The following ITGA9 variants were observed in gnomAD, a reference collection of about 807,000 sequenced individuals.
ITGA9 encodes integrin subunit alpha 9.
In ITGA9, 56 loss-of-function variants were observed where a neutral mutation model predicts 127.8. The observed-to-expected ratio is 0.44, with a 90% CI of 0.35 to 0.55. The LOEUF (loss-of-function observed/expected upper bound fraction) is 0.55. ITGA9 is among the 20% of genes least tolerant of loss of function. The pLI, the probability that ITGA9 is intolerant of heterozygous loss-of-function variation, is 0.00. For synonymous variants in ITGA9, 508 were observed against 514.5 expected (o/e 0.99, Z 0.17); for missense variants, 1,196 against 1,347.1 (o/e 0.89, Z 1.76).
chr3:37,607,189 T>C (rs1045649895), intron 15 of ITGA9, among the ~76,000 whole-genome samples: 1 of 152,028 alleles, frequency 6.6e-6, no homozygotes, highest in Non-Finnish European at 1.5e-5. Flanking sequence ...TCTCAGTGTT[T>C]GTCCATTTCC....
intron 15 of ITGA9, among the ~76,000 whole-genome samples, chr3:37,600,467 T>G (rs571673864): frequency 1.6e-3 from 248 of 152,196 alleles, no homozygotes; most frequent in Middle Eastern, 3.4e-3. Context: ...ACACATACTC[T>G]TTGTTTTTCC....
chr3:37,468,918 A>T (rs542226059), intron 1 of ITGA9, among the ~76,000 whole-genome samples: 22 of 152,280 alleles, frequency 1.4e-4, no homozygotes, highest in African/African-American at 5.1e-4. Flanking sequence ...TTTGAACATC[A>T]GTGTGGATTT....
Position 37,753,659 on chromosome 3 carries a change from CAG to C in ITGA9, c.2541+3095_2541+3096del, listed in dbSNP as rs1421048729. The C allele has an allele frequency of 2.2e-4, 34 of 152,336 alleles. 1 individual carries two copies. Among genetic ancestry groups the C allele is most frequent in the South Asian group, 1.0e-3 (5 of 4,828 alleles). 9.4% of individuals were successfully genotyped at this position (152,336 alleles called of 1,614,324 possible). A position where few individuals can be genotyped will look rare whatever the true frequency, so the allele number is the denominator to read the frequency against. ...GCAGATAGATATTTTGGCAGAATGA[CAG>C]AGAGTACTGAACCACAGTCATTTCC... On this transcript the variant is annotated intron_variant, in intron 23 of 27. Transcript: ENST00000264741.
In ITGA9 at chr3:37,683,577, G is replaced by A. The variant is rs778631057; in HGVS notation, c.1917-288G>A. Among the ~76,000 whole-genome samples, 46 of 152,158 alleles carry A rather than the reference G, an allele frequency of 3.0e-4. 1 individual carries two copies. The highest frequency in any genetic ancestry group is 7.2e-4 in the Admixed American group (11 of 15,282). ...GAATTCATGTACAAATGAATCCCAC[G>A]CTTAGGTTGTTAAGTGCCTTATAGT... On this transcript the variant is annotated intron_variant, in intron 17 of 27. Transcript: ENST00000264741.
intron 1 of ITGA9, among the ~76,000 whole-genome samples, chr3:37,461,864 T>A (rs1294821863): frequency 6.6e-6 from 1 of 152,198 alleles, no homozygotes; most frequent in Non-Finnish European, 1.5e-5. Flanking sequence ...AAGGAGCAGA[T>A]GGGAGGCCAC....
At chr3:37,458,345 G>C (rs962564069) in intron 1 of ITGA9, among the ~76,000 whole-genome samples, 2 of 152,202 alleles carry the variant, frequency 1.3e-5, no homozygotes, top group African/African-American at 4.8e-5. Context: ...GAGTGTGAGA[G>C]AATTGTTGGG....
intron 1 of ITGA9, among the ~76,000 whole-genome samples, chr3:37,466,118 A>G (rs541873461): frequency 1.3e-5 from 2 of 152,050 alleles, no homozygotes; most frequent in South Asian, 2.1e-4. Context: ...GCACCTGCAC[A>G]CTCTATGTGC....
rs149514765 is a variant in ITGA9, at chr3:37,537,104, A to T, written c.1528+3636A>T. ...TCGGGTTAACCACTTCCTTGGGGTT[A>T]TCAGAACCTATGAGCTTGGAGAAGG... On this transcript the variant is annotated intron_variant, in intron 14 of 27. Transcript: ENST00000264741. Among the ~76,000 whole-genome samples the T allele has an allele frequency of 3.9e-4, 59 of 152,366 alleles. No homozygotes were observed. The East Asian group carries it at 9.6e-3, about 25-fold the overall frequency.
At chr3:37,688,805 T>C (rs1700803947) in intron 18 of ITGA9, among the ~76,000 whole-genome samples, 1 of 149,874 alleles carries the variant, frequency 6.7e-6, no homozygotes, top group Non-Finnish European at 1.5e-5. Context: ...ACAGAATAGA[T>C]GGATGGATGG....
At chr3:37,515,351 AG>A (rs1241314317) in intron 9 of ITGA9, among the ~76,000 whole-genome samples, 1 of 152,150 alleles carries the variant, frequency 6.6e-6, no homozygotes, top group Non-Finnish European at 1.5e-5. Flanking sequence ...CAGTTGGGAG[AG>A]GGCAGAGGTT....
chr3:37,478,191 T>G (rs143100413), intron 3 of ITGA9, among the ~76,000 whole-genome samples: 10 of 152,312 alleles, frequency 6.6e-5, no homozygotes, highest in African/African-American at 2.2e-4. Flanking sequence ...CTCTCTGTGA[T>G]CCTGCTCCCC....
At chr3:37,481,636 C>T in intron 4 of ITGA9, 29 bp downstream of exon 4, 1 of 1,614,046 alleles carries the variant, frequency 6.2e-7, no homozygotes, top group Non-Finnish European at 8.5e-7. Flanking sequence ...TTCCTCATCC[C>T]CCTACCCACC....
intron 5 of ITGA9, among the ~76,000 whole-genome samples, chr3:37,496,742 T>C (rs1698734443): frequency 6.6e-6 from 1 of 152,206 alleles, no homozygotes; most frequent in Non-Finnish European, 1.5e-5. Flanking sequence ...TCCAGGCTCA[T>C]CTCCTACCTC....
chr3:37,681,148 C>T (rs1700730974), intron 17 of ITGA9, among the ~76,000 whole-genome samples: 1 of 152,162 alleles, frequency 6.6e-6, no homozygotes, highest in South Asian at 2.1e-4. Flanking sequence ...TCTTCTTTTG[C>T]ATGGTGTATT....
At chr3:37,667,752 T>C (rs1367306847) in intron 17 of ITGA9, among the ~76,000 whole-genome samples, 1 of 152,154 alleles carries the variant, frequency 6.6e-6, no homozygotes, top group Non-Finnish European at 1.5e-5. Context: ...TGGTGCAGAA[T>C]AGGAAGCTGA....
At chr3:37,673,183 A>G (rs1416330032) in intron 17 of ITGA9, among the ~76,000 whole-genome samples, 1 of 152,174 alleles carries the variant, frequency 6.6e-6, no homozygotes, top group Non-Finnish European at 1.5e-5. Context: ...ATTGCATGAA[A>G]ACCGACTCCA....
At chr3:37,810,674 C>T (rs1697357741) in intron 27 of ITGA9, among the ~76,000 whole-genome samples, 1 of 152,124 alleles carries the variant, frequency 6.6e-6, no homozygotes, top group Non-Finnish European at 1.5e-5. Flanking sequence ...CCTTGGCCTC[C>T]CAAACTACTA....
At chr3:37,465,645 C>A (rs1043877083) in intron 1 of ITGA9, among the ~76,000 whole-genome samples, 3 of 152,208 alleles carry the variant, frequency 2.0e-5, no homozygotes, top group South Asian at 2.1e-4. Flanking sequence ...ACCATGACAG[C>A]AGTGTCAATG....
chr3:37,481,654 C>T (rs78828100), intron 4 of ITGA9, 47 bp downstream of exon 4: 1 of 1,611,946 alleles, frequency 6.2e-7, no homozygotes, highest in Admixed American at 1.7e-5. Context: ...ACCTCATGCC[C>T]TAAGCCCGCC....
Sources: allele counts gnomAD v4.1 joint callset (sites outside exome capture counted in the v4.1 genomes callset), GRCh38; gene constraint gnomAD v4.1.1; transcripts MANE v1.5; gene names NCBI Gene and HGNC (gene_info 2026-07-23, HGNC 2026-07-21).